ERH: variants seen among roughly 807,000 people sequenced by gnomAD.
ERH encodes enhancer of rudimentary homolog.
A neutral mutation model predicts 16.8 loss-of-function variants in ERH; 1 was observed. The observed-to-expected ratio is 0.06, with a 90% CI of 0.02 to 0.28. The LOEUF (loss-of-function observed/expected upper bound fraction) is 0.28, where lower values mean the gene tolerates loss of function less well. Among genes scored for constraint, ERH ranks in the 10% least tolerant of loss-of-function variants. The probability of loss-of-function intolerance (pLI) is 1.00; values close to 1 mark genes in which losing one functional copy is unlikely to be tolerated. For synonymous variants in ERH, 43 were observed against 43.6 expected (o/e 0.99, Z 0.05); for missense variants, 42 against 127.5 (o/e 0.33, Z 3.23).
chr14:69,380,525 GCTTC>G lies in ERH; in HGVS notation c.*9_*12del. The G allele has an allele frequency of 1.6e-6, 2 of 1,274,722 alleles. No individual in the cohort carries two copies. The highest frequency in any genetic ancestry group is 1.2e-5 in the South Asian group (1 of 84,130). 79.0% of individuals were successfully genotyped at this position (1,274,722 alleles called of 1,614,324 possible). A position where few individuals can be genotyped will look rare whatever the true frequency, so the allele number is the denominator to read the frequency against. ...CCAAGCCCACCCCAACCCCCCCAGT[GCTTC>G]CAACACAATTATTTCCCAGCCTGTT... On this transcript the variant is annotated 3_prime_UTR_variant, in exon 4 of 4. Transcript: ENST00000557016.
intron 2 of ERH, among the ~76,000 whole-genome samples, chr14:69,393,073 T>C (rs2140233675): frequency 6.6e-6 from 1 of 152,304 alleles, no homozygotes; most frequent in East Asian, 1.9e-4. Context: ...TCCCAGCACT[T>C]TGGGAAGCCG....
chr14:69,383,506 G>C (rs1594886190), intron 3 of ERH, among the ~76,000 whole-genome samples: 1 of 152,184 alleles, frequency 6.6e-6, no homozygotes, highest in South Asian at 2.1e-4. Context: ...TATTTCTCCT[G>C]AATATTCAAA....
rs1246997353 is a variant in ERH, at chr14:69,380,346, GAGAA to G, written c.*188_*191del. 8 of 410,850 alleles carry G rather than the reference GAGAA, an allele frequency of 1.9e-5. No homozygotes were observed. Among genetic ancestry groups the G allele is most frequent in the South Asian group, 8.2e-5 (1 of 12,168 alleles). 25.5% of individuals were successfully genotyped at this position (410,850 alleles called of 1,614,324 possible). A position where few individuals can be genotyped will look rare whatever the true frequency, so the allele number is the denominator to read the frequency against. ...GTTTAAGTAAAAAAAAAAAAAGAAA[GAGAA>G]AGAAAAAGAGGAGGTAACGGGGGTT... On this transcript the variant is annotated 3_prime_UTR_variant, in exon 4 of 4. Coordinates refer to ENST00000557016, the MANE Select transcript of ERH (RefSeq NM_004450.3).
At chr14:69,392,888 A>G (rs1391058840) in intron 2 of ERH, among the ~76,000 whole-genome samples, 3 of 152,238 alleles carry the variant, frequency 2.0e-5, no homozygotes, top group East Asian at 3.8e-4. Context: ...AAGACCAAAC[A>G]TGATAATGTA....
intron 1 of ERH, 158 bp downstream of exon 1, chr14:69,398,073 G>A (rs1220641526): frequency 1.0e-6 from 1 of 956,282 alleles, no homozygotes; most frequent in Non-Finnish European, 1.6e-6. Flanking sequence ...CAGGCCTGGC[G>A]TCCCTGCGGC....
rs915031820 is a variant in ERH, at chr14:69,397,823, C to T, written c.3+408G>A. On this transcript the variant is annotated intron_variant, in intron 1 of 3. Transcript: ENST00000557016. ...ATCCCAGCTACTAGGGAGGCTGAGA[C>T]AGGAGAATTGCTTCAACCCAGGAGG... Among the ~76,000 whole-genome samples, 8 of 152,306 alleles carry T rather than the reference C, an allele frequency of 5.3e-5. No individual in the cohort carries two copies. The Middle Eastern group carries it at 0.017, about 324-fold the overall frequency.
chr14:69,388,481 C>T (rs955862483), intron 2 of ERH, among the ~76,000 whole-genome samples: 1 of 152,040 alleles, frequency 6.6e-6, no homozygotes, highest in South Asian at 2.1e-4. Context: ...CTGCCTCAGC[C>T]CCCCAAGTAG....
chr14:69,395,118 C>G (rs535355062), intron 1 of ERH, among the ~76,000 whole-genome samples: 8 of 152,048 alleles, frequency 5.3e-5, no homozygotes, highest in Non-Finnish European at 1.5e-5. Context: ...AGCTTGAGAC[C>G]AACCTGGGCA....
Position 69,392,220 on chromosome 14 carries a change from A to G in ERH, c.91+2605T>C, listed in dbSNP as rs115918511. Among the ~76,000 whole-genome samples the G allele has an allele frequency of 7.1e-3, 1,084 of 152,194 alleles. 14 individuals are homozygous for G. Among genetic ancestry groups the G allele is most frequent in the African/African-American group, 0.025 (1,032 of 41,562 alleles). ...AATATTTACTACAAGAAAAAAAAAA[A>G]AAGAATAATAAAATTACCATTTGGC... On this transcript the variant is annotated intron_variant, in intron 2 of 3. Coordinates refer to ENST00000557016, the MANE Select transcript of ERH (RefSeq NM_004450.3).
intron 2 of ERH, among the ~76,000 whole-genome samples, chr14:69,391,117 C>T (rs1405579366): frequency 6.6e-6 from 1 of 152,190 alleles, no homozygotes; most frequent in East Asian, 1.9e-4. Flanking sequence ...CTAGCAATCA[C>T]TCTCCTACGT....
At chr14:69,397,252 T>C (rs1882365506) in intron 1 of ERH, among the ~76,000 whole-genome samples, 1 of 152,200 alleles carries the variant, frequency 6.6e-6, no homozygotes, top group South Asian at 2.1e-4. Flanking sequence ...CTTTACAGAT[T>C]ATACCACCTC....
At chr14:69,383,639 T>C (rs1183920242) in intron 3 of ERH, among the ~76,000 whole-genome samples, 1 of 152,202 alleles carries the variant, frequency 6.6e-6, no homozygotes, top group Non-Finnish European at 1.5e-5. Flanking sequence ...AGTTACAGGT[T>C]TTCAAGCTAT....
intron 3 of ERH, among the ~76,000 whole-genome samples, chr14:69,384,078 T>G (rs776122633): frequency 1.5e-4 from 23 of 152,232 alleles, no homozygotes; most frequent in Admixed American, 7.9e-4. Context: ...CACTTGTAAC[T>G]GTTTTACTCT....
chr14:69,396,696 C>T (rs765298801), intron 1 of ERH, among the ~76,000 whole-genome samples: 4 of 152,232 alleles, frequency 2.6e-5, no homozygotes, highest in Non-Finnish European at 5.9e-5. Flanking sequence ...CTCTCCCCAT[C>T]AAGAACTAAA....
chr14:69,394,920 G>A lies in ERH; in HGVS notation c.4-8C>T, dbSNP rs1399174539. 6.3e-7 allele frequency: 1 copy of A among 1,592,462 alleles called. No homozygotes were observed. Among genetic ancestry groups the A allele is most frequent in the South Asian group, 1.1e-5 (1 of 89,338 alleles). On this transcript the variant is annotated splice_region_variant and splice_polypyrimidine_tract_variant and intron_variant, in intron 1 of 3. Transcript: ENST00000557016. ...CAGCAAAATGGTGTGAGACTGCAGG[G>A]GAAAACATGATTTCAATATAAGTTT...
At chr14:69,385,319 C>T (rs1314959070) in intron 3 of ERH, among the ~76,000 whole-genome samples, 1 of 152,034 alleles carries the variant, frequency 6.6e-6, no homozygotes, top group Admixed American at 6.6e-5. Flanking sequence ...ATTGCAGTTC[C>T]CTAATTCTTT....
intron 1 of ERH, among the ~76,000 whole-genome samples, chr14:69,397,350 T>C (rs1882368762): frequency 6.6e-6 from 1 of 151,772 alleles, no homozygotes; most frequent in Non-Finnish European, 1.5e-5. Flanking sequence ...GAGCTGAGCC[T>C]ACTTTTCAGC....
intron 3 of ERH, among the ~76,000 whole-genome samples, chr14:69,380,929 T>C (rs2045859822): frequency 6.6e-6 from 1 of 152,224 alleles, no homozygotes; most frequent in African/African-American, 2.4e-5. Context: ...CCAGAAACCA[T>C]GTGTTCTTCC....
At chr14:69,384,397 A>G (rs1010498689) in intron 3 of ERH, among the ~76,000 whole-genome samples, 2 of 152,222 alleles carry the variant, frequency 1.3e-5, no homozygotes, top group Admixed American at 6.5e-5. Context: ...GCCTTGTCAA[A>G]GGGAGCTAGC....
Sources: gnomAD v4.1 joint callset for allele counts (sites outside exome capture counted in the v4.1 genomes callset) on GRCh38, gnomAD v4.1.1 for gene constraint, MANE v1.5 for transcripts, NCBI Gene and HGNC (gene_info 2026-07-23, HGNC 2026-07-21) for gene names.